SCYL3: variants seen among roughly 807,000 people sequenced by gnomAD.
The protein encoded by SCYL3 is protein-associating with the carboxyl-terminal domain of ezrin.
A neutral mutation model predicts 73.8 loss-of-function variants in SCYL3; 35 were observed. The observed-to-expected ratio is 0.47, with a 90% confidence interval of 0.36 to 0.63. The LOEUF (loss-of-function observed/expected upper bound fraction) is 0.63. Ranked by LOEUF, SCYL3 falls within the 20% of genes least tolerant of loss-of-function variation. The pLI, the probability that SCYL3 is intolerant of heterozygous loss-of-function variation, is 0.00. For missense variants in SCYL3, 712 were observed against 798.9 expected (o/e 0.89, Z 1.31); for synonymous variants, 277 against 295.2 (o/e 0.94, Z 0.63).
chr1:169,854,738 C>T lies in SCYL3; in HGVS notation c.1539G>A (p.Glu513=), dbSNP rs745445136. 3.7e-6 allele frequency: 6 copies of T among 1,614,024 alleles called. No individual in the cohort carries two copies. In the Admixed American group the frequency reaches 6.7e-5, roughly 18 times the overall value. Residue 513 remains glutamate, a synonymous_variant, in exon 12 of 13, where the codon GAG becomes GAA. Transcript: ENST00000367771. ...KSQCTTLDVE[E]SSWDDCEPSS... is the part of the protein sequence containing the mutation. The stretch of plus-strand genomic sequence containing the variant: ...TGGGCTCGCAGTCATCCCAAGATGA[C>T]TCTTCCACATCCAAGGTAGTGCACT...
chr1:169,853,806 G>GAAACAAATCATATGCAA, intron 12 of SCYL3, 34 bp from the exon 13 acceptor site: 1 of 1,595,160 alleles, frequency 6.3e-7, no homozygotes, highest in Non-Finnish European at 8.5e-7. Context: ...AGAACCCACT[G>GAAACAAATCATATGCAA]AAACAAATCA....
chr1:169,872,928 G>A (rs757917995), intron 5 of SCYL3, among the ~76,000 whole-genome samples: 18 of 152,170 alleles, frequency 1.2e-4, no homozygotes, highest in Non-Finnish European at 2.4e-4. Context: ...GCTCATAGGT[G>A]GAAGGGACTT....
rs1660949171 is a variant in SCYL3 at position 169,877,658 on chromosome 1, T to C, written c.351+976A>G. Among the ~76,000 whole-genome samples, 14 of 152,328 alleles carry C rather than the reference T, an allele frequency of 9.2e-5. 1 individual carries two copies. The South Asian group carries it at 2.9e-3, about 32-fold the overall frequency. On this transcript the variant is annotated intron_variant, in intron 3 of 12. Transcript: ENST00000367771. ...TGCACAAAGAACATCTCTGGAATAA[T>C]ACACGAGTTACCACCATTGCCTCTG...
At chr1:169,880,942 A>G (rs1303322585) in intron 2 of SCYL3, among the ~76,000 whole-genome samples, 1 of 152,056 alleles carries the variant, frequency 6.6e-6, no homozygotes, top group African/African-American at 2.4e-5. Flanking sequence ...TTGTATTTTT[A>G]GTAGAGACAG....
At chr1:169,883,487 G>C (rs1474638879) in intron 2 of SCYL3, among the ~76,000 whole-genome samples, 1 of 152,180 alleles carries the variant, frequency 6.6e-6, no homozygotes, top group African/African-American at 2.4e-5. Flanking sequence ...ATTGGGAGGA[G>C]AGTGATGAAA....
intron 2 of SCYL3, among the ~76,000 whole-genome samples, chr1:169,886,693 T>C (rs1571458780): frequency 6.6e-6 from 1 of 152,228 alleles, no homozygotes; most frequent in East Asian, 1.9e-4. Flanking sequence ...TAGGCTTACA[T>C]ATATGAGTCA....
Position 169,849,731 on chromosome 1 carries a change from C to A in SCYL3, c.*3982G>T. ...CAATCGGAAAATTGTCTGAAGGGTA[C>A]ATTACTCGTTATCTCTTTTACAGCT... On this transcript the variant is annotated 3_prime_UTR_variant, in exon 13 of 13. Coordinates refer to ENST00000367771, the MANE Select transcript of SCYL3 (RefSeq NM_020423.7). 1.4e-6 allele frequency: 1 copy of A among 691,304 alleles called. No individual in the cohort carries two copies. Among genetic ancestry groups the A allele is most frequent in the South Asian group, 1.9e-5 (1 of 53,904 alleles). The allele number at this position is 691,304 out of a possible 1,614,324, so 42.8% of individuals were successfully genotyped here. A position where few individuals can be genotyped will look rare whatever the true frequency, so the allele number is the denominator to read the frequency against.
At chr1:169,891,198 C>T (rs1460535839) in intron 1 of SCYL3, among the ~76,000 whole-genome samples, 1 of 152,138 alleles carries the variant, frequency 6.6e-6, no homozygotes, top group African/African-American at 2.4e-5. Context: ...GGAGCTACGG[C>T]AAACCAAAGC....
At chr1:169,870,044 T>G (rs1024884560) in intron 6 of SCYL3, among the ~76,000 whole-genome samples, 1 of 152,212 alleles carries the variant, frequency 6.6e-6, no homozygotes, top group African/African-American at 2.4e-5. Context: ...TTCAAAGTGC[T>G]TCCTACTTAA....
intron 1 of SCYL3, 65 bp from the exon 2 acceptor site, chr1:169,888,955 C>G: frequency 2.3e-6 from 2 of 851,524 alleles, no homozygotes; most frequent in East Asian, 2.8e-5. Flanking sequence ...CAAGAGATAT[C>G]CAGACATAGC....
Position 169,850,180 on chromosome 1 carries a change from T to G in SCYL3, c.*3533A>C. 2.4e-6 allele frequency: 2 copies of G among 822,548 alleles called. No homozygotes were observed. The highest frequency in any genetic ancestry group is 4.0e-6 in the Non-Finnish European group (2 of 505,866). 51.0% of individuals were successfully genotyped at this position (822,548 alleles called of 1,614,324 possible). A position where few individuals can be genotyped will look rare whatever the true frequency, so the allele number is the denominator to read the frequency against. ...ACTCTTACTTAAAATGAATTTTTGG[T>G]TAAGGTAGCTCATAAAACTCATCTA... On this transcript the variant is annotated 3_prime_UTR_variant, in exon 13 of 13. Transcript: ENST00000367771.
At chr1:169,857,931 T>C (rs994076436) in intron 11 of SCYL3, among the ~76,000 whole-genome samples, 1 of 152,028 alleles carries the variant, frequency 6.6e-6, no homozygotes, top group Non-Finnish European at 1.5e-5. Context: ...CATAGAAAAG[T>C]AAAAATATAA....
chr1:169,862,572 T>C, intron 10 of SCYL3, 41 bp downstream of exon 10: 1 of 1,605,884 alleles, frequency 6.2e-7, no homozygotes, highest in Non-Finnish European at 8.5e-7. Context: ...CACTCTTCCC[T>C]CAGGTTCTGT....
intron 5 of SCYL3, 39 bp from the exon 6 acceptor site, chr1:169,870,396 C>CTCTAG: frequency 7.2e-7 from 1 of 1,388,218 alleles, no homozygotes; most frequent in Non-Finnish European, 1.0e-6. Context: ...GAGGATCTGC[C>CTCTAG]TTATAAGCCA....
chr1:169,871,346 T>C (rs1176033554), intron 5 of SCYL3, among the ~76,000 whole-genome samples: 1 of 152,140 alleles, frequency 6.6e-6, no homozygotes, highest in Non-Finnish European at 1.5e-5. Context: ...ATCTGATGGC[T>C]TTAAAAAAGG....
chr1:169,853,021 T>C lies in SCYL3; in HGVS notation c.*692A>G, dbSNP rs1190795270. 5.1e-5 allele frequency: 81 copies of C among 1,599,958 alleles called. 1 individual carries two copies. Among genetic ancestry groups the C allele is most frequent in the Non-Finnish European group, 6.9e-5 (80 of 1,167,624 alleles). On this transcript the variant is annotated 3_prime_UTR_variant, in exon 13 of 13. Transcript: ENST00000367771. ...ACTAGGCAGAACTGGGTTTGATGCTTTGTCAACTGAAAATACTTATGTCTG... is the reference window on the plus strand; with the variant it reads ...ACTAGGCAGAACTGGGTTTGATGCTCTGTCAACTGAAAATACTTATGTCTG...
intron 11 of SCYL3, among the ~76,000 whole-genome samples, chr1:169,856,522 G>A (rs1415943936): frequency 6.6e-6 from 1 of 152,188 alleles, no homozygotes; most frequent in South Asian, 2.1e-4. Context: ...AAGTGAGGAT[G>A]TGGGGAATAG....
Position 169,852,733 on chromosome 1 carries a change from G to A in SCYL3, c.*980C>T. On this transcript the variant is annotated 3_prime_UTR_variant, in exon 13 of 13. Coordinates refer to ENST00000367771, the MANE Select transcript of SCYL3 (RefSeq NM_020423.7). ...ATGTAAGCTTTACTCCAGTCCAAAA[G>A]GAAGGTTCTTTATATTTAGAATGGA... is the stretch of plus-strand genomic sequence containing the variant. 1 of 1,563,332 alleles carries A rather than the reference G, an allele frequency of 6.4e-7. No individual in the cohort carries two copies. Among genetic ancestry groups the A allele is most frequent in the Non-Finnish European group, 8.8e-7 (1 of 1,141,416 alleles).
At chr1:169,890,405 C>A (rs928951083) in intron 1 of SCYL3, among the ~76,000 whole-genome samples, 1 of 152,162 alleles carries the variant, frequency 6.6e-6, no homozygotes, top group South Asian at 2.1e-4. Flanking sequence ...GCTACAAATA[C>A]GGCCAATAAT....
Sources: gnomAD v4.1 joint callset for allele counts (sites outside exome capture counted in the v4.1 genomes callset) on GRCh38, gnomAD v4.1.1 for gene constraint, MANE v1.5 for transcripts, NCBI Gene and HGNC (gene_info 2026-07-23, HGNC 2026-07-21) for gene names.